PABPC4L: variants seen among roughly 807,000 people sequenced by gnomAD.
PABPC4L encodes the protein polyadenylate-binding protein 4-like.
For missense variants in PABPC4L, 452 were observed against 451.4 expected (o/e 1.00, Z -0.01); for synonymous variants, 169 against 164.1 (o/e 1.03, Z -0.23).
chr4:134,082,245 A>C, the PABPC4L span, among the ~76,000 whole-genome samples: 1 of 152,070 alleles, frequency 6.6e-6, no homozygotes, highest in Non-Finnish European at 1.5e-5. Flanking sequence ...CTCTTTTAAA[A>C]CTTGTTAGCT....
the PABPC4L span, among the ~76,000 whole-genome samples, chr4:134,144,781 A>G: frequency 7.2e-5 from 11 of 151,832 alleles, no homozygotes; most frequent in African/African-American, 2.6e-4. Context: ...ATCTCAATTC[A>G]GTTACGTTAA....
the PABPC4L span, among the ~76,000 whole-genome samples, chr4:134,068,575 G>A: frequency 2.1e-3 from 325 of 152,194 alleles, 1 homozygote; most frequent in African/African-American, 7.4e-3. Context: ...TTGTTAGCTG[G>A]TTATTATGCA....
At chr4:134,013,275 C>T in the PABPC4L span, among the ~76,000 whole-genome samples, 1 of 151,984 alleles carries the variant, frequency 6.6e-6, no homozygotes, top group African/African-American at 2.4e-5. Flanking sequence ...TATTTCTGCA[C>T]CCCGACCTCT....
the PABPC4L span, among the ~76,000 whole-genome samples, chr4:134,126,977 A>C: frequency 1.1e-4 from 17 of 152,052 alleles, no homozygotes; most frequent in Non-Finnish European, 1.5e-4. Flanking sequence ...TGAGAGCCGT[A>C]TGGGCGCAGG....
At chr4:134,186,508 G>T in the PABPC4L span, among the ~76,000 whole-genome samples, 323 of 152,196 alleles carry the variant, frequency 2.1e-3, 1 homozygote, top group African/African-American at 7.3e-3. Flanking sequence ...GCTGAAACTG[G>T]ATCCCTTCCT....
chr4:134,082,086 T>C, the PABPC4L span, among the ~76,000 whole-genome samples: 1 of 152,150 alleles, frequency 6.6e-6, no homozygotes, highest in Non-Finnish European at 1.5e-5. Context: ...TTCAGCGGCA[T>C]CATTCACTTC....
the PABPC4L span, among the ~76,000 whole-genome samples, chr4:134,092,385 A>G: frequency 6.6e-6 from 1 of 151,948 alleles, no homozygotes; most frequent in Admixed American, 6.6e-5. Context: ...TTCCCACTCC[A>G]TCCCCTTTCA....
the PABPC4L span, among the ~76,000 whole-genome samples, chr4:133,993,549 G>A: frequency 1.3e-5 from 2 of 152,162 alleles, no homozygotes; most frequent in Non-Finnish European, 2.9e-5. Context: ...TCAGGGACAT[G>A]AGTAACATCT....
At chr4:134,154,750 CAGT>C in the PABPC4L span, among the ~76,000 whole-genome samples, 1 of 151,804 alleles carries the variant, frequency 6.6e-6, no homozygotes, top group Admixed American at 6.6e-5. Context: ...ATTCTAATGA[CAGT>C]AGAATTTTTT....
At chr4:133,956,542 CCTT>C in the PABPC4L span, among the ~76,000 whole-genome samples, 1 of 152,136 alleles carries the variant, frequency 6.6e-6, no homozygotes, top group Admixed American at 6.5e-5. Flanking sequence ...CACTCTCTGA[CCTT>C]CTTATACCTT....
chr4:134,096,465 C>T, the PABPC4L span, among the ~76,000 whole-genome samples: 1 of 151,874 alleles, frequency 6.6e-6, no homozygotes, highest in African/African-American at 2.4e-5. Flanking sequence ...GCAAAATATT[C>T]ATAAAAATAT....
the PABPC4L span, among the ~76,000 whole-genome samples, chr4:134,133,336 T>A: frequency 7.0e-6 from 1 of 142,284 alleles, no homozygotes; most frequent in Non-Finnish European, 1.5e-5. Context: ...TAATTTTATA[T>A]AATATATAAC....
At chr4:134,079,226 T>A in the PABPC4L span, among the ~76,000 whole-genome samples, 1 of 150,542 alleles carries the variant, frequency 6.6e-6, no homozygotes, top group Non-Finnish European at 1.5e-5. Flanking sequence ...TGCCTCTGCC[T>A]CCCAAAGTTC....
chr4:134,082,036 G>T, the PABPC4L span, among the ~76,000 whole-genome samples: 1 of 152,116 alleles, frequency 6.6e-6, no homozygotes, highest in African/African-American at 2.4e-5. Flanking sequence ...GAAATGACAT[G>T]TTCTGGAAGA....
the PABPC4L span, among the ~76,000 whole-genome samples, chr4:134,152,251 T>C: frequency 1.3e-5 from 2 of 152,150 alleles, no homozygotes; most frequent in Non-Finnish European, 2.9e-5. Context: ...ACTATTAATA[T>C]ATTTCAATAT....
At chr4:134,112,417 C>G in the PABPC4L span, among the ~76,000 whole-genome samples, 1 of 151,768 alleles carries the variant, frequency 6.6e-6, no homozygotes, top group Non-Finnish European at 1.5e-5. Context: ...TCAATATACT[C>G]TAGTAAGTTC....
the PABPC4L span, among the ~76,000 whole-genome samples, chr4:134,068,852 G>C: frequency 6.6e-6 from 1 of 151,908 alleles, no homozygotes; most frequent in African/African-American, 2.4e-5. Flanking sequence ...GGGACTACAG[G>C]GATGCACCAC....
At chr4:134,174,891 T>C in the PABPC4L span, among the ~76,000 whole-genome samples, 1 of 152,216 alleles carries the variant, frequency 6.6e-6, no homozygotes, top group Admixed American at 6.5e-5. Context: ...TCATTTTCTC[T>C]AAATCTTTAG....
the PABPC4L span, among the ~76,000 whole-genome samples, chr4:134,045,546 T>C: frequency 6.6e-6 from 1 of 152,144 alleles, no homozygotes; most frequent in East Asian, 1.9e-4. Flanking sequence ...GCAGACATAG[T>C]ATGAAACAGA....
Sources: gnomAD v4.1 joint callset for allele counts (sites outside exome capture counted in the v4.1 genomes callset) on GRCh38, gnomAD v4.1.1 for gene constraint, MANE v1.5 for transcripts, NCBI Gene and HGNC (gene_info 2026-07-23, HGNC 2026-07-21) for gene names.